Variants in BRAT1 observed in about 807,000 individuals in gnomAD.
BRAT1 encodes integrator complex assembly factor BRAT1.
In BRAT1, 74 loss-of-function variants were observed where a neutral mutation model predicts 70.6. The observed-to-expected ratio is 1.05, with a 90% CI of 0.87 to 1.27. BRAT1 has a LOEUF of 1.27. BRAT1 is among the 50% of genes most tolerant of loss of function. The pLI is 0.00. For missense variants in BRAT1, 1,203 were observed against 1,098.2 expected (o/e 1.10, Z -1.35); for synonymous variants, 615 against 517.1 (o/e 1.19, Z -2.57).
chr7:2,540,011 G>C (rs1460753813), intron 10 of BRAT1, 123 bp from the exon 11 acceptor site: 1 of 669,252 alleles, frequency 1.5e-6, no homozygotes, highest in Non-Finnish European at 2.4e-6. Context: ...AGGAAGTGGA[G>C]AGAGAAGGGA....
At chr7:2,547,855 G>C (rs1016522468) in intron 2 of BRAT1, among the ~76,000 whole-genome samples, 1 of 151,916 alleles carries the variant, frequency 6.6e-6, no homozygotes, top group African/African-American at 2.4e-5. Flanking sequence ...AGGCCAAGGC[G>C]GGTGGTCACT....
At chr7:2,541,920 A>G in intron 7 of BRAT1, 84 bp from the exon 8 acceptor site, 1 of 1,440,064 alleles carries the variant, frequency 6.9e-7, no homozygotes, top group Non-Finnish European at 9.7e-7. Flanking sequence ...CACCACCCAC[A>G]GCACAGGCCA....
At chr7:2,544,884 T>C (rs1253535765) in intron 4 of BRAT1, 25 bp downstream of exon 4, 11 of 1,546,964 alleles carry the variant, frequency 7.1e-6, no homozygotes, top group South Asian at 1.2e-5. Flanking sequence ...GGATGAGGAA[T>C]GGGGTGGGGT....
Position 2,543,085 on chromosome 7 carries a change from G to A in BRAT1, c.923+119C>T, listed in dbSNP as rs528419780. On this transcript the variant is annotated intron_variant, in intron 6 of 13. Coordinates refer to ENST00000340611, the MANE Select transcript of BRAT1 (RefSeq NM_152743.4). The surrounding 1 kb of genome is among the most constrained non-coding windows in gnomAD (Gnocchi z 5.5). ...CGCACCACCCAGTCACACCCCGCAC[G>A]GCCGCCTGACTGTCCCTGGTGTCCG... The A allele has an allele frequency of 3.4e-4, 463 of 1,348,236 alleles. No individual in the cohort carries two copies. The highest frequency in any genetic ancestry group is 4.2e-4 in the Non-Finnish European group (421 of 1,003,790). 83.5% of individuals were successfully genotyped at this position (1,348,236 alleles called of 1,614,324 possible). A position where few individuals can be genotyped will look rare whatever the true frequency, so the allele number is the denominator to read the frequency against.
chr7:2,541,356 G>A lies in BRAT1; in HGVS notation c.1263C>T (p.Gly421=), dbSNP rs568170755. ...VGGHLCGTLA[G]CVRVQRAALD... is the part of the protein sequence containing the mutation. ...GGGCTGCTCGCTGGACCCGGACGCA[G>A]CCCGCCAGGGTCCCACAGAGGTGGC... Residue 421 remains glycine, a synonymous_variant, in exon 9 of 14, where the codon GGC becomes GGT. Coordinates refer to ENST00000340611, the MANE Select transcript of BRAT1 (RefSeq NM_152743.4). 1.9e-6 allele frequency: 3 copies of A among 1,606,182 alleles called. No individual in the cohort carries two copies. The highest frequency in any genetic ancestry group is 2.5e-6 in the Non-Finnish European group (3 of 1,179,474).
chr7:2,539,787 T>C lies in BRAT1; in HGVS notation c.1497A>G (p.Arg499=). The C allele has an allele frequency of 6.2e-7, 1 of 1,610,836 alleles. No homozygotes were observed. Among genetic ancestry groups the C allele is most frequent in the Non-Finnish European group, 8.5e-7 (1 of 1,178,698 alleles). The change falls in exon 11 of 14, where the codon AGA becomes AGG. Residue 499 remains arginine (R), a splice_region_variant and synonymous_variant. Coordinates refer to ENST00000340611, the MANE Select transcript of BRAT1 (RefSeq NM_152743.4). ...DLGPLIPQFL[R]ELFPVLQKRL... is the part of the protein sequence containing the mutation. Reference sequence around the variant, plus strand: ...CACCCCTGCAAGGGGCTGCGTTACCTCTGAGGAACTGCGGGATGAGGGGGC... The same window carrying C: ...CACCCCTGCAAGGGGCTGCGTTACCCCTGAGGAACTGCGGGATGAGGGGGC...
chr7:2,551,962 A>G (rs1780035842), intron 2 of BRAT1, among the ~76,000 whole-genome samples: 1 of 145,962 alleles, frequency 6.9e-6, no homozygotes, highest in Admixed American at 6.9e-5. Context: ...CTTGTGGGTG[A>G]AAAAAAAATT....
rs550964089 is a variant in BRAT1 at position 2,543,466 on chromosome 7, G to T, written c.803+124C>A. On this transcript the variant is annotated intron_variant, in intron 5 of 13. Transcript: ENST00000340611. The surrounding 1 kb of genome is among the most constrained non-coding windows in gnomAD (Gnocchi z 5.5). ...CCCATGAGGGTTCCAGGGTCACCCC[G>T]GTGCCGCTTCACTGCAGGCCATGTC... The T allele has an allele frequency of 6.8e-7, 1 of 1,478,756 alleles. No individual in the cohort carries two copies. Among genetic ancestry groups the T allele is most frequent in the African/African-American group, 1.4e-5 (1 of 70,810 alleles). 91.6% of individuals were successfully genotyped at this position (1,478,756 alleles called of 1,614,324 possible).
In BRAT1 at chr7:2,538,771, GA is replaced by G; in HGVS notation, c.1771-8del. The G allele has an allele frequency of 6.3e-7, 1 of 1,598,164 alleles. No individual in the cohort carries two copies. Among genetic ancestry groups the G allele is most frequent in the Non-Finnish European group, 8.5e-7 (1 of 1,179,790 alleles). On this transcript the variant is annotated splice_region_variant and splice_polypyrimidine_tract_variant and intron_variant, in intron 13 of 13. Transcript: ENST00000340611. ...GGAGCTCCAGGAACAGGCTCTGGGG[GA>G]CAGGGAGCAAGTGCGGATGGTTGGT...
intron 13 of BRAT1, 69 bp from the exon 14 acceptor site, chr7:2,538,833 CG>C: frequency 6.4e-7 from 1 of 1,573,876 alleles, no homozygotes; most frequent in Non-Finnish European, 8.6e-7. Flanking sequence ...AACAGGACTC[CG>C]GTACATGATG....
In BRAT1 at chr7:2,554,375, G is replaced by A. The variant is rs756337508; in HGVS notation, c.57C>T (p.Pro19=). ...AGGTGTCATCTGCCACCGGCTGCCT[G>A]GGATCTACCAGAACAGCACAGAGAG... is the stretch of plus-strand genomic sequence containing the variant. The part of the protein sequence containing the change: ...LPALCAVLVD[P]RQPVADDTCL... Residue 19 remains proline, a synonymous_variant, in exon 2 of 14, where the codon CCC becomes CCT. Coordinates refer to ENST00000340611, the MANE Select transcript of BRAT1 (RefSeq NM_152743.4). 1 of 1,614,058 alleles carries A rather than the reference G, an allele frequency of 6.2e-7. No individual in the cohort carries two copies. Among genetic ancestry groups the A allele is most frequent in the South Asian group, 1.1e-5 (1 of 91,072 alleles).
chr7:2,538,870 AG>A, intron 13 of BRAT1, 106 bp from the exon 14 acceptor site: 1 of 1,521,478 alleles, frequency 6.6e-7, no homozygotes, highest in African/African-American at 1.4e-5. Flanking sequence ...CATGCAGTCT[AG>A]GGCCACAGCC....
Position 2,541,824 on chromosome 7 carries a change from C to G in BRAT1, c.1028G>C (p.Gly343Ala). 6.2e-7 allele frequency: 1 copy of G among 1,612,820 alleles called. No homozygotes were observed. The highest frequency in any genetic ancestry group is 8.5e-7 in the Non-Finnish European group (1 of 1,179,874). ...CACCGTCGTGGCATCGTCTGCCGTC[C>G]CGTCCAGCAAGCCTGGGGGCCAAGC... ...QAPGPPGLLD[G>A]TADDATTVDT... The change falls in exon 8 of 14, where the codon GGG becomes GCG. Residue 343 changes from glycine (G) to alanine (A), a missense_variant. Gly to Ala is a moderately conservative substitution (Grantham distance 60, BLOSUM62 0). Coordinates refer to ENST00000340611, the MANE Select transcript of BRAT1 (RefSeq NM_152743.4).
In BRAT1 at chr7:2,547,465, C is replaced by G. The variant is rs746013235; in HGVS notation, c.141G>C (p.Val47=). The part of the protein sequence containing the change: ...KTVTEGESSV[V]LLQEHPCLVE... ...CCAGGCAGGGGTGCTCCTGCAGCAG[C>G]ACGACACTGGACTCTGTGGGGATGG... is the stretch of plus-strand genomic sequence containing the variant. The change falls in exon 3 of 14, where the codon GTG becomes GTC. Residue 47 remains valine, a synonymous_variant. Transcript: ENST00000340611. 5 of 1,614,024 alleles carry G rather than the reference C, an allele frequency of 3.1e-6. No homozygotes were observed. The highest frequency in any genetic ancestry group is 4.2e-6 in the Non-Finnish European group (5 of 1,180,016).
chr7:2,545,932 T>G lies in BRAT1; in HGVS notation c.283-876A>C, dbSNP rs538692744. Among the ~76,000 whole-genome samples, 6 of 152,276 alleles carry G rather than the reference T, an allele frequency of 3.9e-5. No homozygotes were observed. In the East Asian group the frequency reaches 1.2e-3, roughly 29 times the overall value. On this transcript the variant is annotated intron_variant, in intron 3 of 13. Coordinates refer to ENST00000340611, the MANE Select transcript of BRAT1 (RefSeq NM_152743.4). ...GCTAGGGAGCCTGCAGCTGCTTAAC[T>G]GGGGGGCATCGTGAACGGCAAGCTA...
chr7:2,545,977 C>T (rs1019876986), intron 3 of BRAT1, among the ~76,000 whole-genome samples: 4 of 152,218 alleles, frequency 2.6e-5, no homozygotes, highest in African/African-American at 4.8e-5. Flanking sequence ...GATGTGCCTT[C>T]GCACAACCTG....
chr7:2,541,266 C>G (rs774822201), intron 9 of BRAT1, 32 bp downstream of exon 9: 3 of 1,537,698 alleles, frequency 2.0e-6, no homozygotes, highest in African/African-American at 2.7e-5. Context: ...ACAGGGATAG[C>G]CCCACGCCAA....
rs773430061 is a variant in BRAT1 at position 2,547,356 on chromosome 7, C to T, written c.250G>A (p.Ala84Thr). The T allele has an allele frequency of 1.8e-5, 29 of 1,613,956 alleles. No homozygotes were observed. The Admixed American group carries it at 3.8e-4, about 21-fold the overall frequency. ...SFSLRLAGTF[A>T]AQENCFQYLQ... ...TACTGGAAGCAGTTTTCCTGGGCTGCGAAGGTTCCTGCCAGGCGCAGTGAG... is the reference window on the plus strand; with the variant it reads ...TACTGGAAGCAGTTTTCCTGGGCTGTGAAGGTTCCTGCCAGGCGCAGTGAG... The change falls in exon 3 of 14, where the codon GCA (alanine) becomes ACA (threonine). Residue 84 changes from alanine (A) to threonine (T), a missense_variant. Ala to Thr is a moderately conservative substitution (Grantham distance 58). Coordinates refer to ENST00000340611, the MANE Select transcript of BRAT1 (RefSeq NM_152743.4).
At chr7:2,546,757 T>A (rs1213009484) in intron 3 of BRAT1, among the ~76,000 whole-genome samples, 2 of 151,946 alleles carry the variant, frequency 1.3e-5, no homozygotes, top group East Asian at 1.9e-4. Flanking sequence ...TAAAATAAAA[T>A]AAAAATAAAT....
Sources: gnomAD v4.1 joint callset for allele counts (sites outside exome capture counted in the v4.1 genomes callset) on GRCh38, gnomAD v4.1.1 for gene constraint, Gnocchi (gnomAD v3.1) non-coding constraint, MANE v1.5 for transcripts, NCBI Gene and HGNC (gene_info 2026-07-23, HGNC 2026-07-21) for gene names.